The following AATF variants were observed in gnomAD, a reference collection of about 807,000 sequenced individuals.
AATF encodes the protein apoptosis antagonizing transcription factor.
In AATF, 48 loss-of-function variants were observed where a neutral mutation model predicts 63.7. That is an observed-to-expected ratio of 0.75 (90% CI 0.60 to 0.96). The LOEUF (loss-of-function observed/expected upper bound fraction) is 0.96, where lower values mean the gene tolerates loss of function less well. AATF is among the 40% of genes least tolerant of loss of function. The probability of loss-of-function intolerance (pLI) is 0.00; values close to 1 mark genes in which losing one functional copy is unlikely to be tolerated. For synonymous variants in AATF, 258 were observed against 247.7 expected (o/e 1.04, Z -0.39); for missense variants, 639 against 685.7 (o/e 0.93, Z 0.76).
At chr17:37,040,136 A>ATTG (rs1358593733) in intron 11 of AATF, among the ~76,000 whole-genome samples, 1,932 of 152,254 alleles carry the variant, frequency 0.013, 39 homozygotes, top group African/African-American at 0.044. Flanking sequence ...GCAATATCTT[A>ATTG]CAGATATTGT....
chr17:37,024,314 CAA>C (rs2071495147), intron 10 of AATF, among the ~76,000 whole-genome samples: 1 of 152,184 alleles, frequency 6.6e-6, no homozygotes, highest in Admixed American at 6.5e-5. Flanking sequence ...CAGTGAAAGA[CAA>C]AGAGAATGTG....
chr17:36,950,157 C>G, intron 1 of AATF, 57 bp from the exon 2 acceptor site: 2 of 1,569,646 alleles, frequency 1.3e-6, no homozygotes, highest in Non-Finnish European at 1.7e-6. Flanking sequence ...ACCAGGGTTC[C>G]CGTTAAAGTT....
chr17:37,056,421 TTTGA>T, intron 11 of AATF, 176 bp from the exon 12 acceptor site: 5 of 612,544 alleles, frequency 8.2e-6, no homozygotes, highest in Admixed American at 6.2e-5. Flanking sequence ...TATTTTACTG[TTTGA>T]TTGGGTTTCT....
At chr17:37,029,813 C>A (rs1055877762) in intron 10 of AATF, among the ~76,000 whole-genome samples, 12 of 151,966 alleles carry the variant, frequency 7.9e-5, no homozygotes, top group African/African-American at 2.2e-4. Context: ...TGATCTGCCC[C>A]CCCTCAGCCT....
intron 11 of AATF, among the ~76,000 whole-genome samples, chr17:37,038,062 A>G (rs1329300438): frequency 6.6e-6 from 1 of 152,182 alleles, no homozygotes; most frequent in Non-Finnish European, 1.5e-5. Context: ...CCGTGAGCCA[A>G]TTAAACCTCC....
At chr17:36,987,251 A>G (rs2142246515) in intron 5 of AATF, among the ~76,000 whole-genome samples, 1 of 149,572 alleles carries the variant, frequency 6.7e-6, no homozygotes, top group East Asian at 2.0e-4. Flanking sequence ...TCAGCCTCCC[A>G]AAGTGCTGGA....
At chr17:37,034,806 C>T (rs2142304987) in intron 11 of AATF, 1 of 152,108 alleles carries the variant, frequency 6.6e-6, no homozygotes, top group Middle Eastern at 3.4e-3. Context: ...ATAATGGACA[C>T]AGCATATCAA....
intron 9 of AATF, 74 bp downstream of exon 9, chr17:37,019,146 T>A (rs541242654): frequency 1.7e-6 from 2 of 1,205,366 alleles, no homozygotes; most frequent in African/African-American, 1.5e-5. Context: ...CCTTTAATTC[T>A]ACCTGCAAAG....
At chr17:36,971,886 G>C (rs975243719) in intron 4 of AATF, among the ~76,000 whole-genome samples, 1 of 152,196 alleles carries the variant, frequency 6.6e-6, no homozygotes, top group Admixed American at 6.5e-5. Flanking sequence ...CATGGATTAG[G>C]AATGGGAGAA....
intron 11 of AATF, among the ~76,000 whole-genome samples, chr17:37,046,701 G>A (rs2071694467): frequency 6.6e-6 from 1 of 151,012 alleles, no homozygotes; most frequent in African/African-American, 2.4e-5. Flanking sequence ...AGTTAAGCTA[G>A]AGCTGAGCGA....
intron 3 of AATF, 91 bp downstream of exon 3, chr17:36,953,387 C>G: frequency 6.5e-7 from 1 of 1,535,184 alleles, no homozygotes. Context: ...TTCTCTATCT[C>G]CTGTGTCCTT....
At chr17:37,047,967 A>G (rs190524270) in intron 11 of AATF, among the ~76,000 whole-genome samples, 1 of 152,314 alleles carries the variant, frequency 6.6e-6, no homozygotes, top group African/African-American at 2.4e-5. Flanking sequence ...GGTGTCTCTG[A>G]GTCATTCTTA....
chr17:37,046,767 A>ACACG (rs1555655375), intron 11 of AATF, among the ~76,000 whole-genome samples: 1 of 150,650 alleles, frequency 6.6e-6, no homozygotes, highest in Non-Finnish European at 1.5e-5. Context: ...ACACACACAC[A>ACACG]CACGCATGCA....
At chr17:36,994,908 G>A (rs1218134625) in intron 8 of AATF, among the ~76,000 whole-genome samples, 2 of 152,178 alleles carry the variant, frequency 1.3e-5, no homozygotes, top group African/African-American at 4.8e-5. Context: ...CATGTGTCTT[G>A]ATTTAATCCT....
intron 11 of AATF, among the ~76,000 whole-genome samples, chr17:37,036,531 A>G (rs1218806970): frequency 6.6e-6 from 1 of 151,994 alleles, no homozygotes; most frequent in African/African-American, 2.4e-5. Context: ...AGTGTTATCT[A>G]TTTAGTTAAT....
At chr17:36,954,205 C>T (rs1219404042) in intron 4 of AATF, among the ~76,000 whole-genome samples, 1 of 151,746 alleles carries the variant, frequency 6.6e-6, no homozygotes, top group African/African-American at 2.4e-5. Context: ...CCACCTTAGC[C>T]TTCCGAGTAG....
At chr17:37,019,940 C>T (rs73985336) in intron 9 of AATF, among the ~76,000 whole-genome samples, 5,773 of 151,734 alleles carry the variant, frequency 0.038, 356 homozygotes, top group African/African-American at 0.13. Context: ...TCTGACTTTA[C>T]AATAAAATAG....
At position 36,970,539 on chromosome 17, in the gene AATF, TTC is replaced by T. The variant is rs71159672; in HGVS notation, c.833-16076_833-16075del. 8.3e-3 allele frequency among the ~76,000 whole-genome samples: 873 copies of T among 105,808 alleles called. 14 individuals carry two copies. Among genetic ancestry groups the T allele is most frequent in the African/African-American group, 0.031 (809 of 26,432 alleles). 69.4% of individuals were successfully genotyped at this position (105,808 alleles called of 152,430 possible). A position where few individuals can be genotyped will look rare whatever the true frequency, so the allele number is the denominator to read the frequency against. On this transcript the variant is annotated intron_variant, in intron 4 of 11. Transcript: ENST00000619387. ...AATGGATAGTTTCTTTCTTTCTTTT[TTC>T]TTTTTTTTTTTTTTTTTAAGAGACA...
At position 36,986,727 on chromosome 17, in the gene AATF, GGAAGGTAAGA is replaced by G; in HGVS notation, c.947_947+9del. On this transcript the variant is annotated splice_donor_variant and splice_donor_5th_base_variant and coding_sequence_variant and intron_variant, in exon 5 of 12. Coordinates refer to ENST00000619387, the MANE Select transcript of AATF (RefSeq NM_012138.4). LOFTEE classifies it high-confidence loss of function. ...AGTAGATGGGACAAAGCCCAATGCGGGAAGGTAAGAGAACAGAATCATGGAGTTGCTTATT... is the reference window on the plus strand; with the variant it reads ...AGTAGATGGGACAAAGCCCAATGCGGGAACAGAATCATGGAGTTGCTTATT... The G allele has an allele frequency of 6.2e-7, 1 of 1,611,950 alleles. No homozygotes were observed.
Sources: allele counts gnomAD v4.1 joint callset (sites outside exome capture counted in the v4.1 genomes callset), GRCh38; gene constraint gnomAD v4.1.1; transcripts MANE v1.5; gene names NCBI Gene and HGNC (gene_info 2026-07-23, HGNC 2026-07-21).